PHYHIPL: variants seen among roughly 807,000 people sequenced by gnomAD.
PHYHIPL encodes the protein phytanoyl-CoA 2-hydroxylase interacting protein like, also known as phytanoyl-CoA hydroxylase-interacting protein-like.
Under a neutral mutation model 33.4 loss-of-function variants are expected in PHYHIPL, and 9 were observed. The observed-to-expected ratio is 0.27, with a 90% confidence interval of 0.16 to 0.47. PHYHIPL has a LOEUF of 0.47. Among genes scored for constraint, PHYHIPL ranks in the 20% least tolerant of loss-of-function variants. The probability of loss-of-function intolerance (pLI) is 0.99; values close to 1 mark genes in which losing one functional copy is unlikely to be tolerated. For synonymous variants in PHYHIPL, 153 were observed against 154.1 expected (o/e 0.99, Z 0.05); for missense variants, 365 against 460.7 (o/e 0.79, Z 1.90).
chr10:59,199,015 A>G (rs1319976511), intron 1 of PHYHIPL, among the ~76,000 whole-genome samples: 1 of 151,884 alleles, frequency 6.6e-6, no homozygotes, highest in African/African-American at 2.4e-5. Flanking sequence ...TTGCCTGTTC[A>G]CTCTGATGGT....
chr10:59,188,264 A>C (rs1241343157), intron 1 of PHYHIPL, among the ~76,000 whole-genome samples: 1 of 152,118 alleles, frequency 6.6e-6, no homozygotes, highest in Non-Finnish European at 1.5e-5. Context: ...TTTTTCATGT[A>C]GTTGAGCGGT....
chr10:59,226,909 A>G (rs1354338469), intron 1 of PHYHIPL, among the ~76,000 whole-genome samples: 1 of 152,190 alleles, frequency 6.6e-6, no homozygotes, highest in Non-Finnish European at 1.5e-5. Flanking sequence ...GTAAAAAATA[A>G]TATCTCATAG....
At chr10:59,227,266 C>T (rs1483603832) in intron 1 of PHYHIPL, among the ~76,000 whole-genome samples, 4 of 152,110 alleles carry the variant, frequency 2.6e-5, no homozygotes, top group Admixed American at 6.5e-5. Flanking sequence ...TGGTGAGGGT[C>T]GTGTGCTGTG....
At chr10:59,223,482 A>C (rs1032800815) in intron 1 of PHYHIPL, among the ~76,000 whole-genome samples, 4 of 152,174 alleles carry the variant, frequency 2.6e-5, no homozygotes, top group African/African-American at 9.7e-5. Context: ...TAAGATACTT[A>C]TCCTCAGTTC....
chr10:59,235,511 G>A (rs903839615), intron 2 of PHYHIPL, among the ~76,000 whole-genome samples: 7 of 151,710 alleles, frequency 4.6e-5, no homozygotes, highest in South Asian at 2.1e-4. Context: ...TTAGATGTGC[G>A]ATTATACATA....
intron 1 of PHYHIPL, among the ~76,000 whole-genome samples, chr10:59,196,902 A>G (rs1838937656): frequency 6.6e-6 from 1 of 152,348 alleles, no homozygotes; most frequent in African/African-American, 2.4e-5. Context: ...TATTGTCAAA[A>G]AGATTTCTTA....
chr10:59,213,161 C>A (rs1839514000), intron 1 of PHYHIPL, among the ~76,000 whole-genome samples: 1 of 151,632 alleles, frequency 6.6e-6, no homozygotes, highest in African/African-American at 2.4e-5. Context: ...GATAAAAGGG[C>A]TTTCTTAAAA....
chr10:59,214,872 A>G (rs1839568659), intron 1 of PHYHIPL, among the ~76,000 whole-genome samples: 1 of 152,062 alleles, frequency 6.6e-6, no homozygotes, highest in Admixed American at 6.6e-5. Context: ...ATTTTTGAAG[A>G]AATGGTTGAT....
chr10:59,220,318 G>C (rs1422194433), intron 1 of PHYHIPL, among the ~76,000 whole-genome samples: 1 of 152,054 alleles, frequency 6.6e-6, no homozygotes, highest in African/African-American at 2.4e-5. Context: ...TTGAGTTAAA[G>C]AGAAGCTGAG....
intron 1 of PHYHIPL, among the ~76,000 whole-genome samples, chr10:59,215,595 A>G (rs1466830238): frequency 2.0e-5 from 3 of 152,028 alleles, no homozygotes; most frequent in Non-Finnish European, 4.4e-5. Context: ...TGGTGGGAAA[A>G]ACAGATAACG....
intron 1 of PHYHIPL, among the ~76,000 whole-genome samples, chr10:59,231,065 T>A (rs1260733924): frequency 6.6e-6 from 1 of 150,722 alleles, no homozygotes; most frequent in Non-Finnish European, 1.5e-5. Context: ...AGCACATTTT[T>A]AAAAAATATA....
At chr10:59,198,998 C>T (rs1242270913) in intron 1 of PHYHIPL, among the ~76,000 whole-genome samples, 3 of 151,988 alleles carry the variant, frequency 2.0e-5, no homozygotes, top group Non-Finnish European at 4.4e-5. Context: ...TTCTCCCATT[C>T]TGTACGTTGC....
intron 1 of PHYHIPL, chr10:59,206,651 C>G: frequency 3.5e-6 from 1 of 288,608 alleles, no homozygotes; most frequent in South Asian, 6.5e-5. Flanking sequence ...CATTTAGAAG[C>G]ACATTTATTT....
chr10:59,213,439 TA>T (rs1450037607), intron 1 of PHYHIPL, among the ~76,000 whole-genome samples: 1 of 152,206 alleles, frequency 6.6e-6, no homozygotes, highest in East Asian at 1.9e-4. Flanking sequence ...AGAATATTTA[TA>T]AAAAAATAAT....
chr10:59,195,246 T>C (rs1032811500), intron 1 of PHYHIPL, among the ~76,000 whole-genome samples: 19 of 152,350 alleles, frequency 1.2e-4, no homozygotes, highest in African/African-American at 4.6e-4. Context: ...GGGATGAAAA[T>C]GTCTTTCCTT....
At chr10:59,228,164 A>G (rs1325478987) in intron 1 of PHYHIPL, among the ~76,000 whole-genome samples, 1 of 152,088 alleles carries the variant, frequency 6.6e-6, no homozygotes, top group Non-Finnish European at 1.5e-5. Flanking sequence ...GTGTTGATTA[A>G]AGTCTTATTG....
chr10:59,185,927 C>T (rs1838585292), intron 1 of PHYHIPL, among the ~76,000 whole-genome samples: 1 of 152,146 alleles, frequency 6.6e-6, no homozygotes, highest in Non-Finnish European at 1.5e-5. Context: ...CCTGTTCACT[C>T]TGTTGGTAGT....
chr10:59,239,196 C>T (rs1015981646), intron 4 of PHYHIPL, among the ~76,000 whole-genome samples: 3 of 151,796 alleles, frequency 2.0e-5, no homozygotes, highest in Non-Finnish European at 4.4e-5. Flanking sequence ...ATAAAATGTA[C>T]CCGAGATTGG....
chr10:59,197,585 C>G (rs1046186492), intron 1 of PHYHIPL, among the ~76,000 whole-genome samples: 19 of 152,092 alleles, frequency 1.2e-4, no homozygotes, highest in Non-Finnish European at 8.8e-5. Flanking sequence ...TAATGCATGT[C>G]TGTACCTTTG....
Sources: allele counts gnomAD v4.1 joint callset (sites outside exome capture counted in the v4.1 genomes callset), GRCh38; gene constraint gnomAD v4.1.1; transcripts MANE v1.5; gene names NCBI Gene and HGNC (gene_info 2026-07-23, HGNC 2026-07-21).